The following LSAMP variants were observed in gnomAD, a reference collection of about 807,000 sequenced individuals.
The protein encoded by LSAMP is limbic system associated membrane protein.
Under a neutral mutation model 38.6 loss-of-function variants are expected in LSAMP, and 7 were observed. That is an observed-to-expected ratio of 0.18 (90% CI 0.10 to 0.34). The LOEUF is 0.34. Among genes scored for constraint, LSAMP ranks in the 10% least tolerant of loss-of-function variants. The pLI, the probability that LSAMP is intolerant of heterozygous loss-of-function variation, is 1.00. For synonymous variants in LSAMP, 154 were observed against 166.8 expected (o/e 0.92, Z 0.59); for missense variants, 313 against 420.0 (o/e 0.75, Z 2.23).
In LSAMP at chr3:116,289,746, A is replaced by G. The variant is rs527747568; in HGVS notation, c.155+155131T>C. 1.3e-3 allele frequency among the ~76,000 whole-genome samples: 194 copies of G among 152,302 alleles called. 2 individuals are homozygous for G. The highest frequency in any genetic ancestry group is 4.5e-3 in the African/African-American group (189 of 41,562). On this transcript the variant is annotated intron_variant, in intron 1 of 6. Transcript: ENST00000490035. Reference sequence around the variant, plus strand: ...AAATTTTAGTTCACTGTCCCAGCACAAACCTGCTTATTAAGTTTTTAATTA... The same window carrying G: ...AAATTTTAGTTCACTGTCCCAGCACGAACCTGCTTATTAAGTTTTTAATTA...
intron 1 of LSAMP, among the ~76,000 whole-genome samples, chr3:116,203,260 T>A (rs959308667): frequency 2.6e-5 from 4 of 152,212 alleles, no homozygotes; most frequent in African/African-American, 9.6e-5. Context: ...TTCAGTAGAT[T>A]TCCTTTATGA....
At chr3:116,079,938 A>T (rs1189774498) in intron 2 of LSAMP, among the ~76,000 whole-genome samples, 1 of 152,178 alleles carries the variant, frequency 6.6e-6, no homozygotes, top group East Asian at 1.9e-4. Context: ...GCTACAGTTA[A>T]TGATAATTTA....
intron 1 of LSAMP, among the ~76,000 whole-genome samples, chr3:116,163,115 T>G (rs1576402944): frequency 6.6e-6 from 1 of 152,044 alleles, no homozygotes; most frequent in South Asian, 2.1e-4. Flanking sequence ...AGGGTACATG[T>G]GCACAACGTG....
intron 1 of LSAMP, among the ~76,000 whole-genome samples, chr3:116,181,611 A>T (rs1224511549): frequency 1.3e-5 from 2 of 152,046 alleles, no homozygotes; most frequent in Non-Finnish European, 2.9e-5. Flanking sequence ...TATGCAAAGT[A>T]AAAGCGTTAA....
At position 116,096,030 on chromosome 3, in the gene LSAMP, G is replaced by A. The variant is rs538537516; in HGVS notation, c.156-9474C>T. Among the ~76,000 whole-genome samples, 32 of 152,256 alleles carry A rather than the reference G, an allele frequency of 2.1e-4. 1 individual carries two copies. The highest frequency in any genetic ancestry group is 1.2e-3 in the South Asian group (6 of 4,826). ...ACATTTGTTTATCCTCTCTGTGCATGTGTTTCCTAAGCTATAAAACGAAGA... is the reference window on the plus strand; with the variant it reads ...ACATTTGTTTATCCTCTCTGTGCATATGTTTCCTAAGCTATAAAACGAAGA... On this transcript the variant is annotated intron_variant, in intron 1 of 6. Transcript: ENST00000490035.
chr3:116,175,765 A>G (rs1710323917), intron 1 of LSAMP, among the ~76,000 whole-genome samples: 1 of 152,060 alleles, frequency 6.6e-6, no homozygotes, highest in African/African-American at 2.4e-5. Flanking sequence ...ATAAGTAGAT[A>G]TATTTGCAGG....
intron 3 of LSAMP, among the ~76,000 whole-genome samples, chr3:115,861,120 T>C: frequency 1.3e-5 from 1 of 75,430 alleles, no homozygotes; most frequent in African/African-American, 5.1e-5. Context: ...CCTCCCTCCT[T>C]CCTTCTTTCT....
intron 1 of LSAMP, among the ~76,000 whole-genome samples, chr3:116,266,196 C>A (rs2046889769): frequency 6.6e-6 from 1 of 152,178 alleles, no homozygotes; most frequent in South Asian, 2.1e-4. Flanking sequence ...CAGAGAAATA[C>A]TACTTAATTA....
chr3:115,862,506 T>C (rs904377184), intron 3 of LSAMP, among the ~76,000 whole-genome samples: 5 of 152,242 alleles, frequency 3.3e-5, no homozygotes, highest in Non-Finnish European at 5.9e-5. Context: ...CTTCTTCAGC[T>C]AGGCCCAGTG....
At chr3:115,956,425 T>C (rs1938457212) in intron 3 of LSAMP, among the ~76,000 whole-genome samples, 1 of 151,990 alleles carries the variant, frequency 6.6e-6, no homozygotes, top group Non-Finnish European at 1.5e-5. Context: ...AACTCTGACA[T>C]GGCAGATTGA....
chr3:116,283,649 C>T (rs2047157645), intron 1 of LSAMP, among the ~76,000 whole-genome samples: 2 of 152,050 alleles, frequency 1.3e-5, no homozygotes, highest in Non-Finnish European at 1.5e-5. Flanking sequence ...TAAAGAGATT[C>T]TGGGAATCAA....
At chr3:115,984,904 C>G (rs1576283546) in intron 3 of LSAMP, among the ~76,000 whole-genome samples, 1 of 152,144 alleles carries the variant, frequency 6.6e-6, no homozygotes, top group African/African-American at 2.4e-5. Context: ...TGTAAGAGTG[C>G]TTCTTATATT....
At chr3:116,395,887 C>G (rs1185805776) in intron 1 of LSAMP, among the ~76,000 whole-genome samples, 1 of 152,000 alleles carries the variant, frequency 6.6e-6, no homozygotes, top group Non-Finnish European at 1.5e-5. Flanking sequence ...CTTGACTATC[C>G]AAATATATAA....
chr3:116,410,136 T>G (rs768673397), intron 1 of LSAMP, among the ~76,000 whole-genome samples: 13 of 152,098 alleles, frequency 8.5e-5, no homozygotes, highest in Non-Finnish European at 1.2e-4. Flanking sequence ...AGATAATTTC[T>G]GCTGTTTTTC....
At chr3:116,151,026 G>A (rs1438313195) in intron 1 of LSAMP, among the ~76,000 whole-genome samples, 1 of 151,848 alleles carries the variant, frequency 6.6e-6, no homozygotes, top group East Asian at 1.9e-4. Context: ...GATGAGGGAG[G>A]GGACATAGCC....
At chr3:116,197,516 T>G (rs965940113) in intron 1 of LSAMP, among the ~76,000 whole-genome samples, 1 of 152,336 alleles carries the variant, frequency 6.6e-6, no homozygotes, top group Middle Eastern at 3.4e-3. Context: ...AGTTAAAAAT[T>G]GCTTAAAGCA....
intron 1 of LSAMP, among the ~76,000 whole-genome samples, chr3:116,277,608 T>C (rs950403748): frequency 3.3e-5 from 5 of 152,122 alleles, no homozygotes; most frequent in Admixed American, 3.3e-4. Flanking sequence ...CCTGACCTCC[T>C]GATCTGCCGG....
chr3:116,292,932 G>A (rs1257341319), intron 1 of LSAMP, among the ~76,000 whole-genome samples: 1 of 152,136 alleles, frequency 6.6e-6, no homozygotes, highest in African/African-American at 2.4e-5. Context: ...TATCCTGTGG[G>A]AGGGTTACCT....
intron 2 of LSAMP, among the ~76,000 whole-genome samples, chr3:116,033,809 AGGGCTGGGTGT>A (rs1940985494): frequency 6.6e-6 from 1 of 152,122 alleles, no homozygotes. Context: ...CTGGAAAAAT[AGGGCTGGGTGT>A]GGGGAGAACG....
Sources: allele counts gnomAD v4.1 joint callset (sites outside exome capture counted in the v4.1 genomes callset), GRCh38; gene constraint gnomAD v4.1.1; transcripts MANE v1.5; gene names NCBI Gene and HGNC (gene_info 2026-07-23, HGNC 2026-07-21).